CTNNA1: variants seen among roughly 807,000 people sequenced by gnomAD.
CTNNA1 encodes catenin alpha-1.
A neutral mutation model predicts 98.4 loss-of-function variants in CTNNA1; 37 were observed. The ratio of observed to expected loss-of-function variants is 0.38; its 90% CI spans 0.29 to 0.49. CTNNA1 has a LOEUF of 0.49. CTNNA1 is among the 20% of genes least tolerant of loss of function. The probability of loss-of-function intolerance (pLI) is 0.95; values close to 1 mark genes in which losing one functional copy is unlikely to be tolerated. For missense variants in CTNNA1, 761 were observed against 1,147.2 expected, an observed-to-expected ratio of 0.66 and a Z score of 4.86; for synonymous variants, 404 against 413.2, an observed-to-expected ratio of 0.98 and a Z score of 0.27.
At chr5:138,933,548 G>C (rs886393963) in intron 17 of CTNNA1, among the ~76,000 whole-genome samples, 2 of 152,230 alleles carry the variant, frequency 1.3e-5, no homozygotes, top group African/African-American at 2.4e-5. Context: ...CACTTGCTGA[G>C]GGGTGGGGGT....
intron 4 of CTNNA1, among the ~76,000 whole-genome samples, chr5:138,810,826 C>T (rs1221944014): frequency 1.3e-5 from 2 of 152,180 alleles, no homozygotes; most frequent in South Asian, 2.1e-4. Flanking sequence ...GACGGGGTTT[C>T]GGCCGGGCAG....
At chr5:138,782,176 T>TG (rs1755184904) in intron 2 of CTNNA1, 147 bp downstream of exon 2, 1 of 773,226 alleles carries the variant, frequency 1.3e-6, no homozygotes, top group Admixed American at 2.7e-5. Context: ...TGAATATTGA[T>TG]GCATGGGTTT....
At chr5:138,790,721 G>A (rs1207699114) in intron 3 of CTNNA1, among the ~76,000 whole-genome samples, 1 of 152,212 alleles carries the variant, frequency 6.6e-6, no homozygotes, top group Non-Finnish European at 1.5e-5. Flanking sequence ...ATGATTGTGT[G>A]TGTCTGCAAT....
intron 7 of CTNNA1, chr5:138,875,715 T>C (rs990634620): frequency 2.0e-6 from 2 of 985,348 alleles, no homozygotes; most frequent in Non-Finnish European, 1.2e-6. Context: ...TATGAAGTGC[T>C]GATTTAACAC....
chr5:138,811,024 C>T (rs1758673246), intron 4 of CTNNA1, among the ~76,000 whole-genome samples: 1 of 151,968 alleles, frequency 6.6e-6, no homozygotes, highest in Non-Finnish European at 1.5e-5. Context: ...GGGCTGACCC[C>T]CACCTCCCTC....
At chr5:138,781,379 C>A (rs1224136421) in intron 1 of CTNNA1, among the ~76,000 whole-genome samples, 2 of 152,054 alleles carry the variant, frequency 1.3e-5, no homozygotes, top group Non-Finnish European at 2.9e-5. Context: ...CACGGTGAAA[C>A]CCCGTCTCTA....
intron 9 of CTNNA1, among the ~76,000 whole-genome samples, chr5:138,899,908 C>G (rs1757665281): frequency 6.6e-6 from 1 of 152,164 alleles, no homozygotes; most frequent in Admixed American, 6.5e-5. Flanking sequence ...GAACTGTGCA[C>G]CCATCACCAC....
In CTNNA1 at chr5:138,824,776, G is replaced by A; in HGVS notation, c.835G>A (p.Ala279Thr). 6.2e-7 allele frequency: 1 copy of A among 1,614,016 alleles called. No individual in the cohort carries two copies. Among genetic ancestry groups the A allele is most frequent in the Non-Finnish European group, 8.5e-7 (1 of 1,179,884 alleles). Residue 279 changes from alanine (A) to threonine (T), a missense_variant, in exon 6 of 18, where the codon GCA (alanine) becomes ACA (threonine). Ala to Thr is a moderately conservative substitution (Grantham distance 58). Transcript: ENST00000302763. The stretch of plus-strand genomic sequence containing the variant: ...CCAGGGTGGAGGAGGAGGAGAACTG[G>A]CATATGCACTCAATAACTTTGACGT... ...QHQGGGGGEL[A>T]YALNNFDKQI...
intron 1 of CTNNA1, among the ~76,000 whole-genome samples, chr5:138,767,173 C>G (rs1443833770): frequency 1.3e-5 from 2 of 152,058 alleles, no homozygotes; most frequent in African/African-American, 4.8e-5. Flanking sequence ...GTAGCTAGGA[C>G]TACAGGCGCC....
intron 10 of CTNNA1, among the ~76,000 whole-genome samples, chr5:138,908,781 G>T (rs1172591215): frequency 6.6e-6 from 1 of 152,052 alleles, no homozygotes. Context: ...AAAAGAGGAG[G>T]TAGGTCGGCT....
intron 7 of CTNNA1, among the ~76,000 whole-genome samples, chr5:138,840,522 C>A (rs1762186408): frequency 6.6e-6 from 1 of 152,056 alleles, no homozygotes; most frequent in African/African-American, 2.4e-5. Context: ...CTTTTTGGCC[C>A]AAGGAGTAGG....
intron 6 of CTNNA1, among the ~76,000 whole-genome samples, chr5:138,825,636 G>T (rs1483508497): frequency 6.6e-6 from 1 of 150,582 alleles, no homozygotes; most frequent in East Asian, 1.9e-4. Flanking sequence ...AAATTACAAT[G>T]GAGTGCATTT....
At chr5:138,846,080 C>T (rs1762705056) in intron 7 of CTNNA1, among the ~76,000 whole-genome samples, 2 of 152,116 alleles carry the variant, frequency 1.3e-5, no homozygotes, top group African/African-American at 4.8e-5. Context: ...GCGCCCACCA[C>T]CACGCCCGGC....
chr5:138,880,372 C>T (rs1276695621), intron 7 of CTNNA1: 1 of 152,440 alleles, frequency 6.6e-6, no homozygotes, highest in Non-Finnish European at 1.5e-5. Context: ...CTCCTGGGCT[C>T]AAGCTGTCCT....
chr5:138,928,825 C>G (rs962851049), intron 13 of CTNNA1, among the ~76,000 whole-genome samples: 1 of 152,090 alleles, frequency 6.6e-6, no homozygotes, highest in Non-Finnish European at 1.5e-5. Context: ...ATCCCAGCCA[C>G]TTGGGAGGCT....
chr5:138,889,620 C>G (rs989688540), intron 9 of CTNNA1, among the ~76,000 whole-genome samples: 2 of 151,876 alleles, frequency 1.3e-5, no homozygotes, highest in Non-Finnish European at 2.9e-5. Context: ...ACACTACTAA[C>G]CAAAGGCCCC....
In CTNNA1 at chr5:138,930,813, C is replaced by T. The variant is rs1246160436; in HGVS notation, c.2193-17C>T. ...GGCTTCACATACAATAATCCTTGTT[C>T]TCTTCCCTCTTCTCAGAGGTAAAGG... On this transcript the variant is annotated splice_polypyrimidine_tract_variant and intron_variant, in intron 15 of 17. Coordinates refer to ENST00000302763, the MANE Select transcript of CTNNA1 (RefSeq NM_001903.5). The T allele has an allele frequency of 6.4e-7, 1 of 1,567,152 alleles. No homozygotes were observed. The highest frequency in any genetic ancestry group is 8.8e-7 in the Non-Finnish European group (1 of 1,137,328).
chr5:138,848,046 C>T (rs1415591047), intron 7 of CTNNA1, among the ~76,000 whole-genome samples: 1 of 152,170 alleles, frequency 6.6e-6, no homozygotes, highest in Non-Finnish European at 1.5e-5. Context: ...ATAAATTCTA[C>T]CTAATTTGAA....
rs1167873878 is a variant in CTNNA1, at chr5:138,887,638, T to C, written c.1292T>C (p.Ile431Thr). 2 of 1,608,436 alleles carry C rather than the reference T, an allele frequency of 1.2e-6. No homozygotes were observed. Among genetic ancestry groups the C allele is most frequent in the Non-Finnish European group, 1.7e-6 (2 of 1,178,290 alleles). Residue 431 changes from isoleucine to threonine, a missense_variant, in exon 9 of 18, where the codon ATT (isoleucine) becomes ACT (threonine). Physicochemically the swap from Ile to Thr is moderately conservative, Grantham distance 89. This residue lies in a region of CTNNA1 where 287 missense variants were observed against 436.0 expected (regional missense o/e 0.66). Transcript: ENST00000302763. ...TTCCGTGAACATGCCAACAAATTGATTGAGGTAAGTGAATTAGCAGTTTCA... is the reference window on the plus strand; with the variant it reads ...TTCCGTGAACATGCCAACAAATTGACTGAGGTAAGTGAATTAGCAGTTTCA... ...QVFREHANKL[I>T]EVANLACSIS...
Sources: gnomAD v4.1 joint callset for allele counts (sites outside exome capture counted in the v4.1 genomes callset) on GRCh38, gnomAD v4.1.1 for gene constraint, gnomAD v4.1.1 regional missense constraint, MANE v1.5 for transcripts, NCBI Gene and HGNC (gene_info 2026-07-23, HGNC 2026-07-21) for gene names.